Variants in HHAT observed in about 807,000 individuals in gnomAD.
HHAT encodes the protein protein-cysteine N-palmitoyltransferase HHAT.
In HHAT, 47 loss-of-function variants were observed where a neutral mutation model predicts 70.8. That is an observed-to-expected ratio of 0.66 (90% CI 0.53 to 0.85). The LOEUF (loss-of-function observed/expected upper bound fraction) is 0.85. Among genes scored for constraint, HHAT ranks in the 40% least tolerant of loss-of-function variants. The probability of loss-of-function intolerance (pLI) is 0.00; values close to 1 mark genes in which losing one functional copy is unlikely to be tolerated. For missense variants in HHAT, 609 were observed against 604.8 expected (o/e 1.01, Z -0.07); for synonymous variants, 228 against 247.6 (o/e 0.92, Z 0.74).
At chr1:210,432,525 G>T (rs1464525504) in intron 7 of HHAT, among the ~76,000 whole-genome samples, 1 of 151,970 alleles carries the variant, frequency 6.6e-6, no homozygotes, top group African/African-American at 2.4e-5. Flanking sequence ...GGGGACTAAA[G>T]ACCAGGGCTA....
intron 7 of HHAT, among the ~76,000 whole-genome samples, chr1:210,441,670 G>A (rs2093511665): frequency 6.6e-6 from 1 of 152,146 alleles, no homozygotes; most frequent in African/African-American, 2.4e-5. Flanking sequence ...CACCATGAAA[G>A]TGGAAATGAT....
At chr1:210,410,523 ATTTTT>A (rs35608235) in intron 6 of HHAT, among the ~76,000 whole-genome samples, 4 of 116,432 alleles carry the variant, frequency 3.4e-5, no homozygotes, top group African/African-American at 1.1e-4. Context: ...TTATTTGTAA[ATTTTT>A]TTTTTTTTTT....
In HHAT at chr1:210,483,609, A is replaced by G. The variant is rs565346446; in HGVS notation, c.1007+18954A>G. Among the ~76,000 whole-genome samples, 404 of 74,470 alleles carry G rather than the reference A, an allele frequency of 5.4e-3. 1 individual carries two copies. Among genetic ancestry groups the G allele is most frequent in the Non-Finnish European group, 9.3e-3 (300 of 32,392 alleles). 48.9% of individuals were successfully genotyped at this position (74,470 alleles called of 152,430 possible). A position where few individuals can be genotyped will look rare whatever the true frequency, so the allele number is the denominator to read the frequency against. On this transcript the variant is annotated intron_variant, in intron 8 of 11. Transcript: ENST00000261458. ...TAGTTTCCATTTATGTCTAATAGCT[A>G]TCATCTAAATAAAGCCTAAAATGCA... is the stretch of plus-strand genomic sequence containing the variant.
chr1:210,669,064 C>T (rs934324095), intron 11 of HHAT, among the ~76,000 whole-genome samples: 17 of 152,174 alleles, frequency 1.1e-4, no homozygotes, highest in Admixed American at 1.0e-3. Context: ...TGAGCCACCG[C>T]GCCTGGCCAC....
intron 6 of HHAT, among the ~76,000 whole-genome samples, chr1:210,415,495 T>A (rs2092693706): frequency 6.6e-6 from 1 of 152,214 alleles, no homozygotes; most frequent in African/African-American, 2.4e-5. Context: ...CAATCTTGCT[T>A]CTTGGAGAAC....
intron 9 of HHAT, among the ~76,000 whole-genome samples, chr1:210,527,842 T>A (rs1440374193): frequency 6.6e-6 from 1 of 152,200 alleles, no homozygotes; most frequent in Admixed American, 6.5e-5. Flanking sequence ...CTGCTTCAGT[T>A]TCCCCATCTG....
At chr1:210,529,657 A>G (rs1172907949) in intron 9 of HHAT, among the ~76,000 whole-genome samples, 4 of 152,204 alleles carry the variant, frequency 2.6e-5, no homozygotes, top group African/African-American at 9.7e-5. Flanking sequence ...TCAGAAGAGC[A>G]TCGTGGGAAT....
chr1:210,434,051 A>G (rs544680931), intron 7 of HHAT, among the ~76,000 whole-genome samples: 1 of 152,102 alleles, frequency 6.6e-6, no homozygotes, highest in South Asian at 2.1e-4. Context: ...CTATCAATGA[A>G]TCAGAAGGAA....
intron 7 of HHAT, among the ~76,000 whole-genome samples, chr1:210,419,233 T>A (rs2357587): frequency 6.6e-6 from 1 of 151,898 alleles, no homozygotes; most frequent in Non-Finnish European, 1.5e-5. Flanking sequence ...TACACTGTCT[T>A]GGGATAGAAT....
At chr1:210,418,069 G>T in intron 6 of HHAT, 85 bp from the exon 7 acceptor site, 1 of 1,279,918 alleles carries the variant, frequency 7.8e-7, no homozygotes, top group African/African-American at 1.5e-5. Flanking sequence ...AATAATATTT[G>T]TGGGAAGTTT....
At chr1:210,362,947 A>C in intron 3 of HHAT, 28 bp downstream of exon 3, 191 of 1,504,046 alleles carry the variant, frequency 1.3e-4, no homozygotes, top group Middle Eastern at 1.7e-4. Context: ...AATAAATCTC[A>C]GTTTTCAAAC....
chr1:210,520,299 G>A (rs1016505424), intron 9 of HHAT, among the ~76,000 whole-genome samples: 1 of 152,214 alleles, frequency 6.6e-6, no homozygotes, highest in African/African-American at 2.4e-5. Flanking sequence ...ATAGGCATGA[G>A]CCACTGCGCC....
intron 11 of HHAT, among the ~76,000 whole-genome samples, chr1:210,635,652 A>G (rs971088812): frequency 6.6e-6 from 1 of 152,328 alleles, no homozygotes; most frequent in Non-Finnish European, 1.5e-5. Context: ...AATTTGTACA[A>G]TAATGGTTTT....
chr1:210,332,931 T>A lies in HHAT; in HGVS notation c.-44+3827T>A, dbSNP rs746715506. ...AAAGAAGCTTACCAGTGATGTTTGTTTTTTACTCATTTCGGCTAGGGTTAG... is the reference window on the plus strand; with the variant it reads ...AAAGAAGCTTACCAGTGATGTTTGTATTTTACTCATTTCGGCTAGGGTTAG... On this transcript the variant is annotated intron_variant, in intron 1 of 11. Coordinates refer to ENST00000261458, the MANE Select transcript of HHAT (RefSeq NM_018194.6). 5.6e-4 allele frequency among the ~76,000 whole-genome samples: 86 copies of A among 152,342 alleles called. 5 individuals carry two copies. Among genetic ancestry groups the A allele is most frequent in the East Asian group, 1.9e-4 (1 of 5,192 alleles).
intron 9 of HHAT, among the ~76,000 whole-genome samples, chr1:210,551,581 A>C (rs552032167): frequency 1.3e-5 from 2 of 152,374 alleles, no homozygotes; most frequent in Non-Finnish European, 2.9e-5. Flanking sequence ...TATCATCACA[A>C]GGAACTACTT....
intron 8 of HHAT, among the ~76,000 whole-genome samples, chr1:210,509,191 T>C (rs1452135822): frequency 6.6e-6 from 1 of 152,236 alleles, no homozygotes; most frequent in African/African-American, 2.4e-5. Flanking sequence ...AATCAGTGTT[T>C]TGGATTTCGA....
chr1:210,662,007 AAAAT>A (rs1330069184), intron 11 of HHAT, among the ~76,000 whole-genome samples: 5 of 152,204 alleles, frequency 3.3e-5, no homozygotes, highest in Non-Finnish European at 5.9e-5. Flanking sequence ...AAAAATTAAT[AAAAT>A]AAAATCTGCT....
intron 2 of HHAT, among the ~76,000 whole-genome samples, chr1:210,359,760 G>A (rs567533755): frequency 3.9e-5 from 6 of 152,182 alleles, no homozygotes; most frequent in African/African-American, 1.4e-4. Flanking sequence ...CCAGCCACTT[G>A]AGAGTCTGAG....
At chr1:210,413,057 C>T (rs1251260677) in intron 6 of HHAT, among the ~76,000 whole-genome samples, 1 of 152,226 alleles carries the variant, frequency 6.6e-6, no homozygotes, top group Non-Finnish European at 1.5e-5. Context: ...GCTTTGTCCC[C>T]CAGGCCTTTG....
Sources: allele counts gnomAD v4.1 joint callset (sites outside exome capture counted in the v4.1 genomes callset), GRCh38; gene constraint gnomAD v4.1.1; transcripts MANE v1.5; gene names NCBI Gene and HGNC (gene_info 2026-07-23, HGNC 2026-07-21).